ACSM3: variants seen among roughly 807,000 people sequenced by gnomAD.
ACSM3 encodes acyl-CoA synthetase medium chain family member 3, also known as acyl-coenzyme A synthetase ACSM3, mitochondrial.
Under a neutral mutation model 74.1 loss-of-function variants are expected in ACSM3, and 61 were observed. The observed-to-expected ratio is 0.82, with a 90% CI of 0.67 to 1.02. The LOEUF (loss-of-function observed/expected upper bound fraction) is 1.02. ACSM3 is among the 50% of genes least tolerant of loss of function. ACSM3 has a pLI of 0.00. For missense variants in ACSM3, 660 were observed against 697.0 expected, an observed-to-expected ratio of 0.95 and a Z score of 0.60; for synonymous variants, 213 against 241.5, an observed-to-expected ratio of 0.88 and a Z score of 1.09.
intron 1 of ACSM3, among the ~76,000 whole-genome samples, chr16:20,707,975 A>G (rs1427749047): frequency 6.6e-6 from 1 of 152,180 alleles, no homozygotes; most frequent in African/African-American, 2.4e-5. Flanking sequence ...CACCTAAACA[A>G]CTAAATGAAA....
At chr16:20,754,252 T>G (rs1447527225) in intron 2 of ACSM3, among the ~76,000 whole-genome samples, 1 of 152,112 alleles carries the variant, frequency 6.6e-6, no homozygotes, top group Admixed American at 6.5e-5. Context: ...TATCTCCAAG[T>G]GTAGAAATGT....
intron 1 of ACSM3, among the ~76,000 whole-genome samples, chr16:20,705,042 G>C (rs1309591653): frequency 1.4e-4 from 21 of 152,184 alleles, no homozygotes; most frequent in Non-Finnish European, 1.5e-5. Flanking sequence ...TCAACCTTTT[G>C]ATAGGTACCA....
chr16:20,744,690 C>T (rs2079950630), intron 1 of ACSM3, among the ~76,000 whole-genome samples: 1 of 152,094 alleles, frequency 6.6e-6, no homozygotes, highest in Non-Finnish European at 1.5e-5. Context: ...AGCCAAACCA[C>T]GTTTAAATAA....
Position 20,781,067 on chromosome 16 carries a change from G to T in ACSM3, c.876G>T (p.Trp292Cys). Residue 292 changes from tryptophan to cysteine, a missense_variant, in exon 6 of 14, where the codon TGG becomes TGT. Coordinates refer to ENST00000289416, the MANE Select transcript of ACSM3 (RefSeq NM_005622.4). ...CATGGAGTAGTGTTTTTTCTCCGTG[G>T]ATCCAGGGAGCATGTGTATTCACAC... ...KSAWSSVFSP[W>C]IQGACVFTHH... The T allele has an allele frequency of 6.2e-7, 1 of 1,614,156 alleles. No individual in the cohort carries two copies. The highest frequency in any genetic ancestry group is 8.5e-7 in the Non-Finnish European group (1 of 1,180,028).
At chr16:20,696,130 C>T (rs1233392180) in intron 1 of ACSM3, among the ~76,000 whole-genome samples, 1 of 152,180 alleles carries the variant, frequency 6.6e-6, no homozygotes, top group Non-Finnish European at 1.5e-5. Context: ...TAGCATATCG[C>T]CTATATGTGT....
chr16:20,774,169 T>C (rs1466248338), intron 2 of ACSM3, among the ~76,000 whole-genome samples: 1 of 152,118 alleles, frequency 6.6e-6, no homozygotes, highest in Non-Finnish European at 1.5e-5. Context: ...GATATAAGCA[T>C]AGCTATTCCT....
chr16:20,792,321 C>G lies in ACSM3; in HGVS notation c.1540C>G (p.Pro514Ala). Residue 514 changes from proline (P) to alanine (A), a missense_variant, in exon 12 of 14, where the codon CCC (proline) becomes GCC (alanine). Pro to Ala is a conservative substitution (Grantham distance 27). Coordinates refer to ENST00000289416, the MANE Select transcript of ACSM3 (RefSeq NM_005622.4). ...AESAVVSSPD[P>A]IRGEVVKAFV... ...GTCAGCTGTTGTCAGCAGCCCAGAC[C>G]CCATCAGAGGAGAGGTAAAAGAACT... The G allele has an allele frequency of 6.2e-7, 1 of 1,613,936 alleles. No homozygotes were observed. Among genetic ancestry groups the G allele is most frequent in the South Asian group, 1.1e-5 (1 of 91,074 alleles).
chr16:20,679,964 TA>T (rs530796884), intron 1 of ACSM3: 8 of 150,730 alleles, frequency 5.3e-5, no homozygotes, highest in Non-Finnish European at 8.9e-5. Context: ...TTCACAATCC[TA>T]AAAAAAAACA....
chr16:20,724,072 G>A (rs943828205), intron 1 of ACSM3, among the ~76,000 whole-genome samples: 9 of 152,114 alleles, frequency 5.9e-5, no homozygotes, highest in Admixed American at 2.0e-4. Flanking sequence ...GTGTAAGGAA[G>A]GGATCCAGTT....
chr16:20,789,743 C>T (rs1344559618), intron 9 of ACSM3, among the ~76,000 whole-genome samples: 3 of 139,636 alleles, frequency 2.1e-5, no homozygotes, highest in East Asian at 2.1e-4. Context: ...GGAGTGATCT[C>T]GGCTCACTGC....
At chr16:20,679,351 T>C (rs1051402115) in intron 1 of ACSM3, 1 of 152,222 alleles carries the variant, frequency 6.6e-6, no homozygotes, top group Non-Finnish European at 1.5e-5. Flanking sequence ...AGTCTACACA[T>C]GGCTGAAGCT....
chr16:20,786,236 A>T, intron 9 of ACSM3, 78 bp downstream of exon 9: 1 of 1,515,580 alleles, frequency 6.6e-7, no homozygotes, highest in South Asian at 1.3e-5. Context: ...CCCCATATAA[A>T]CTTTCTTTGT....
At chr16:20,752,478 CA>C (rs1355854623) in intron 2 of ACSM3, among the ~76,000 whole-genome samples, 4 of 152,178 alleles carry the variant, frequency 2.6e-5, no homozygotes, top group African/African-American at 9.7e-5. Context: ...AAGACTCTCT[CA>C]AAAGCCTGGT....
At position 20,792,347 on chromosome 16, in the gene ACSM3, G is replaced by C. The variant is rs1427443366; in HGVS notation, c.1554+12G>C. The C allele has an allele frequency of 6.2e-7, 1 of 1,613,444 alleles. No homozygotes were observed. Among genetic ancestry groups the C allele is most frequent in the East Asian group, 2.2e-5 (1 of 44,874 alleles). On this transcript the variant is annotated intron_variant, in intron 12 of 13. Coordinates refer to ENST00000289416, the MANE Select transcript of ACSM3 (RefSeq NM_005622.4). Reference sequence around the variant, plus strand: ...CCATCAGAGGAGAGGTAAAAGAACTGATTCATGTCAACTTTATAATTTGTT... The same window carrying C: ...CCATCAGAGGAGAGGTAAAAGAACTCATTCATGTCAACTTTATAATTTGTT...
chr16:20,682,462 C>A (rs1210320009), intron 1 of ACSM3: 2 of 1,612,784 alleles, frequency 1.2e-6, no homozygotes, highest in Admixed American at 1.7e-5. Flanking sequence ...TGAAGATGAT[C>A]CCTGGGGATG....
chr16:20,709,377 G>A (rs567233768), intron 1 of ACSM3, among the ~76,000 whole-genome samples: 1 of 152,186 alleles, frequency 6.6e-6, no homozygotes, highest in African/African-American at 2.4e-5. Context: ...AAAACAAGCA[G>A]GTTAGATTAT....
At chr16:20,697,439 C>T (rs1005984923) in intron 1 of ACSM3, among the ~76,000 whole-genome samples, 43 of 152,078 alleles carry the variant, frequency 2.8e-4, no homozygotes, top group African/African-American at 9.9e-4. Flanking sequence ...CCTATTTATT[C>T]CTCTCACCCA....
At chr16:20,736,782 A>G in intron 1 of ACSM3, 3 of 1,244,950 alleles carry the variant, frequency 2.4e-6, no homozygotes, top group Non-Finnish European at 3.4e-6. Context: ...TGCAGCACAC[A>G]AATAAAAAAC....
chr16:20,776,840 C>T (rs2080261962), intron 3 of ACSM3, among the ~76,000 whole-genome samples: 2 of 152,140 alleles, frequency 1.3e-5, no homozygotes, highest in South Asian at 4.1e-4. Flanking sequence ...AAGATGAATG[C>T]CTCCACACTT....
Sources: gnomAD v4.1 joint callset for allele counts (sites outside exome capture counted in the v4.1 genomes callset) on GRCh38, gnomAD v4.1.1 for gene constraint, MANE v1.5 for transcripts, NCBI Gene and HGNC (gene_info 2026-07-23, HGNC 2026-07-21) for gene names.